The following RAB6A variants were observed in gnomAD, a reference collection of about 807,000 sequenced individuals.
RAB6A encodes ras-related protein Rab-6A.
A neutral mutation model predicts 32.3 loss-of-function variants in RAB6A; 8 were observed. The ratio of observed to expected loss-of-function variants is 0.25; its 90% CI spans 0.15 to 0.45. The LOEUF (loss-of-function observed/expected upper bound fraction) is 0.45, where lower values mean the gene tolerates loss of function less well. RAB6A is among the 20% of genes least tolerant of loss of function. RAB6A has a pLI of 1.00. For synonymous variants in RAB6A, 73 were observed against 82.1 expected, an observed-to-expected ratio of 0.89 and a Z score of 0.60; for missense variants, 104 against 249.4, an observed-to-expected ratio of 0.42 and a Z score of 3.93.
intron 5 of RAB6A, among the ~76,000 whole-genome samples, chr11:73,711,306 T>C (rs942020128): frequency 6.6e-6 from 1 of 152,188 alleles, no homozygotes; most frequent in African/African-American, 2.4e-5. Flanking sequence ...CATTTTGCTT[T>C]AGGTAATGTG....
chr11:73,693,659 G>T (rs1365234794), intron 6 of RAB6A, among the ~76,000 whole-genome samples: 1 of 151,496 alleles, frequency 6.6e-6, no homozygotes, highest in Non-Finnish European at 1.5e-5. Flanking sequence ...CCCAAGGCAG[G>T]AGATCACTTG....
intron 6 of RAB6A, among the ~76,000 whole-genome samples, chr11:73,703,695 T>C (rs1017901890): frequency 1.3e-5 from 2 of 151,944 alleles, no homozygotes; most frequent in South Asian, 2.1e-4. Context: ...TGAGCCAAGA[T>C]TGTGCCACTC....
chr11:73,727,266 AT>A (rs942770850), intron 2 of RAB6A, among the ~76,000 whole-genome samples: 9 of 151,740 alleles, frequency 5.9e-5, no homozygotes, highest in African/African-American at 2.2e-4. Context: ...TACAAAAAAA[AT>A]TTTTTTTAAT....
At chr11:73,742,723 T>C (rs1257862310) in intron 1 of RAB6A, among the ~76,000 whole-genome samples, 2 of 151,922 alleles carry the variant, frequency 1.3e-5, no homozygotes, top group Non-Finnish European at 2.9e-5. Context: ...GGCAGGAGAA[T>C]CGCTTGAACT....
At chr11:73,742,640 C>T (rs555073637) in intron 1 of RAB6A, among the ~76,000 whole-genome samples, 1 of 152,018 alleles carries the variant, frequency 6.6e-6, no homozygotes, top group Non-Finnish European at 1.5e-5. Flanking sequence ...GGAGAAACCC[C>T]GTCGCTACTA....
At chr11:73,737,598 A>G (rs1044867629) in intron 1 of RAB6A, among the ~76,000 whole-genome samples, 3 of 152,314 alleles carry the variant, frequency 2.0e-5, no homozygotes, top group African/African-American at 7.2e-5. Flanking sequence ...CTAATAAACA[A>G]AACGTGGTAC....
chr11:73,719,812 C>T (rs183738117), intron 3 of RAB6A, among the ~76,000 whole-genome samples: 4 of 151,976 alleles, frequency 2.6e-5, no homozygotes, highest in African/African-American at 7.2e-5. Flanking sequence ...GATGGGGTTT[C>T]GCCATGTTGG....
intron 6 of RAB6A, among the ~76,000 whole-genome samples, chr11:73,692,300 C>A (rs969052081): frequency 6.6e-6 from 1 of 151,286 alleles, no homozygotes; most frequent in Admixed American, 6.6e-5. Flanking sequence ...GTCAGGAGAT[C>A]AAGACCATCC....
intron 6 of RAB6A, among the ~76,000 whole-genome samples, chr11:73,703,978 G>A (rs1353604737): frequency 3.4e-5 from 5 of 147,686 alleles, no homozygotes; most frequent in South Asian, 2.2e-4. Flanking sequence ...GCAGTGAGCC[G>A]AGGTGGTGCC....
intron 6 of RAB6A, chr11:73,704,220 A>G (rs1166686295): frequency 1.4e-5 from 6 of 425,852 alleles, no homozygotes; most frequent in Middle Eastern, 6.2e-4. Flanking sequence ...TATTCTCTGG[A>G]AAAAAATTAA....
intron 1 of RAB6A, among the ~76,000 whole-genome samples, chr11:73,746,143 A>C (rs770135010): frequency 6.6e-6 from 1 of 151,760 alleles, no homozygotes; most frequent in Non-Finnish European, 1.5e-5. Flanking sequence ...CAGCCTGGCC[A>C]ACAGAGACCC....
intron 1 of RAB6A, among the ~76,000 whole-genome samples, chr11:73,747,792 T>C (rs1192370586): frequency 3.3e-5 from 5 of 152,188 alleles, no homozygotes; most frequent in Admixed American, 3.3e-4. Flanking sequence ...GTTCCTCGAT[T>C]TGGATTTGTC....
At chr11:73,705,780 G>GAGAT (rs1216515796) in intron 6 of RAB6A, among the ~76,000 whole-genome samples, 1 of 151,256 alleles carries the variant, frequency 6.6e-6, no homozygotes, top group Non-Finnish European at 1.5e-5. Context: ...GAGAGAGAGA[G>GAGAT]AGAGAGAGAG....
intron 2 of RAB6A, chr11:73,722,339 ATATATTTTT>A (rs1486385375): frequency 3.3e-3 from 35 of 10,616 alleles, no homozygotes; most frequent in Non-Finnish European, 3.8e-3. Flanking sequence ...ATATATATAT[ATATATTTTT>A]TTTTTTTTTT....
chr11:73,692,088 C>T (rs2134885184), intron 6 of RAB6A, among the ~76,000 whole-genome samples: 1 of 152,246 alleles, frequency 6.6e-6, no homozygotes, highest in Admixed American at 6.5e-5. Context: ...TTGGGTATAA[C>T]TATCCACAAT....
rs61588604 is a variant in RAB6A at position 73,713,565 on chromosome 11, C to CA, written c.401+2685dup. Among the ~76,000 whole-genome samples, 1,197 of 124,738 alleles carry CA rather than the reference C, an allele frequency of 9.6e-3. 14 individuals carry two copies. The highest frequency in any genetic ancestry group is 0.031 in the African/African-American group (987 of 32,324). 81.8% of individuals were successfully genotyped at this position (124,738 alleles called of 152,430 possible). A position where few individuals can be genotyped will look rare whatever the true frequency, so the allele number is the denominator to read the frequency against. ...GCTGGGAGACAGCGAGACTCCGTCT[C>CA]AAAAAAAAAAAAAAAAGAAAATACT... On this transcript the variant is annotated intron_variant, in intron 5 of 7. Coordinates refer to ENST00000336083, the MANE Select transcript of RAB6A (RefSeq NM_198896.2).
At chr11:73,705,910 T>C (rs1039469797) in intron 6 of RAB6A, among the ~76,000 whole-genome samples, 3 of 151,964 alleles carry the variant, frequency 2.0e-5, no homozygotes. Context: ...ATGGGAAATG[T>C]CAGAGAAAAT....
intron 6 of RAB6A, among the ~76,000 whole-genome samples, chr11:73,687,107 A>G (rs1945470719): frequency 6.6e-6 from 1 of 152,178 alleles, no homozygotes; most frequent in African/African-American, 2.4e-5. Context: ...ACATTATGCA[A>G]GTGAAACAAG....
At position 73,677,678 on chromosome 11, in the gene RAB6A, A is replaced by G; in HGVS notation, c.*220T>C. 3 of 1,228,924 alleles carry G rather than the reference A, an allele frequency of 2.4e-6. No homozygotes were observed. Among genetic ancestry groups the G allele is most frequent in the South Asian group, 3.4e-5 (2 of 58,146 alleles). 76.1% of individuals were successfully genotyped at this position (1,228,924 alleles called of 1,614,324 possible). On this transcript the variant is annotated 3_prime_UTR_variant, in exon 8 of 8. Coordinates refer to ENST00000336083, the MANE Select transcript of RAB6A (RefSeq NM_198896.2). ...AAAGTTATCACTGGAATATGCTGAA[A>G]TATTTTGGCTTTTTGTAAAATATAA... is the stretch of plus-strand genomic sequence containing the variant.
Sources: allele counts gnomAD v4.1 joint callset (sites outside exome capture counted in the v4.1 genomes callset), GRCh38; gene constraint gnomAD v4.1.1; transcripts MANE v1.5; gene names NCBI Gene and HGNC (gene_info 2026-07-23, HGNC 2026-07-21).